The following ANKRD55 variants were observed in gnomAD, a reference collection of about 807,000 sequenced individuals.
The protein encoded by ANKRD55 is ankyrin repeat domain 55, also known as ankyrin repeat domain-containing protein 55.
Under a neutral mutation model 60.6 loss-of-function variants are expected in ANKRD55, and 41 were observed. The observed-to-expected ratio is 0.68, with a 90% CI of 0.53 to 0.88. The LOEUF (loss-of-function observed/expected upper bound fraction) is 0.88. Ranked by LOEUF, ANKRD55 falls within the 40% of genes least tolerant of loss-of-function variation. The pLI is 0.00. For synonymous variants in ANKRD55, 264 were observed against 290.3 expected (o/e 0.91, Z 0.92); for missense variants, 732 against 767.6 (o/e 0.95, Z 0.55).
chr5:56,227,617 C>CTTTTTTTTTTTT (rs10567262), intron 2 of ANKRD55, among the ~76,000 whole-genome samples: 1 of 147,916 alleles, frequency 6.8e-6, no homozygotes. Context: ...CCATTGATGT[C>CTTTTTTTTTTTT]TTTTTTTTTT....
chr5:56,172,385 A>G (rs1289044126), intron 4 of ANKRD55, among the ~76,000 whole-genome samples: 1 of 152,196 alleles, frequency 6.6e-6, no homozygotes, highest in African/African-American at 2.4e-5. Context: ...GTTAATGTCT[A>G]AATCATCAAG....
At position 56,147,084 on chromosome 5, in the gene ANKRD55, G is replaced by A. The variant is rs547210390; in HGVS notation, c.484-3155C>T. 3.9e-5 allele frequency among the ~76,000 whole-genome samples: 6 copies of A among 152,248 alleles called. No individual in the cohort carries two copies. The South Asian group carries it at 1.2e-3, about 32-fold the overall frequency. ...TTGGTGAAGGGGTGGGGTGGGAGGA[G>A]TGCTATCATTTTTCATACACCTACT... On this transcript the variant is annotated intron_variant, in intron 6 of 11. Coordinates refer to ENST00000341048, the MANE Select transcript of ANKRD55 (RefSeq NM_024669.3).
At chr5:56,190,084 CAG>C (rs1759058456) in intron 2 of ANKRD55, among the ~76,000 whole-genome samples, 1 of 152,160 alleles carries the variant, frequency 6.6e-6, no homozygotes, top group South Asian at 2.1e-4. Context: ...ATATTAGTGA[CAG>C]TGAGCATTTT....
In ANKRD55 at chr5:56,176,302, C is replaced by G. The variant is rs1266629554; in HGVS notation, c.182-20G>C. On this transcript the variant is annotated intron_variant, in intron 3 of 11. Coordinates refer to ENST00000341048, the MANE Select transcript of ANKRD55 (RefSeq NM_024669.3). Reference sequence around the variant, plus strand: ...TGCATCCTGGAATGAGACATTTCAACAGCCTTTAAACATGTGTGACCCATG... The same window carrying G: ...TGCATCCTGGAATGAGACATTTCAAGAGCCTTTAAACATGTGTGACCCATG... The G allele has an allele frequency of 6.2e-7, 1 of 1,614,124 alleles. No homozygotes were observed. The highest frequency in any genetic ancestry group is 1.1e-5 in the South Asian group (1 of 91,090).
intron 7 of ANKRD55, among the ~76,000 whole-genome samples, chr5:56,133,248 A>G (rs565673856): frequency 3.3e-3 from 501 of 152,050 alleles, no homozygotes; most frequent in Non-Finnish European, 5.8e-3. Flanking sequence ...AGACCAGCCT[A>G]GCCAACATGG....
At chr5:56,143,616 G>A (rs770961121) in intron 7 of ANKRD55, among the ~76,000 whole-genome samples, 185 bp downstream of exon 7, 3 of 152,160 alleles carry the variant, frequency 2.0e-5, no homozygotes, top group Non-Finnish European at 4.4e-5. Flanking sequence ...TGCCACCCAA[G>A]GCAGGCTCTG....
At chr5:56,180,049 C>A (rs1325494348) in intron 3 of ANKRD55, among the ~76,000 whole-genome samples, 1 of 152,038 alleles carries the variant, frequency 6.6e-6, no homozygotes, top group African/African-American at 2.4e-5. Context: ...GGTTGAGGGG[C>A]CATATTGGGT....
chr5:56,146,789 G>A (rs538362402), intron 6 of ANKRD55: 2 of 152,210 alleles, frequency 1.3e-5, no homozygotes, highest in East Asian at 3.9e-4. Context: ...TACTAACCAG[G>A]CCTAACCCTG....
At chr5:56,195,896 A>T (rs900422131) in intron 2 of ANKRD55, among the ~76,000 whole-genome samples, 48 of 152,350 alleles carry the variant, frequency 3.2e-4, no homozygotes, top group Middle Eastern at 3.4e-3. Flanking sequence ...TTATCATGGT[A>T]GTATCATCTG....
At chr5:56,196,340 A>G (rs1759227764) in intron 2 of ANKRD55, among the ~76,000 whole-genome samples, 1 of 152,212 alleles carries the variant, frequency 6.6e-6, no homozygotes, top group African/African-American at 2.4e-5. Context: ...ATTTAAGTGA[A>G]TAAAAAATTT....
chr5:56,118,475 A>C (rs1416007238), intron 8 of ANKRD55, among the ~76,000 whole-genome samples: 1 of 151,930 alleles, frequency 6.6e-6, no homozygotes, highest in Non-Finnish European at 1.5e-5. Context: ...AATACAAAAA[A>C]TTAACCAGGC....
At chr5:56,112,440 G>A (rs1756740704) in intron 9 of ANKRD55, among the ~76,000 whole-genome samples, 1 of 138,714 alleles carries the variant, frequency 7.2e-6, no homozygotes, top group South Asian at 2.4e-4. Context: ...GCTGAGGCAG[G>A]AGGATCACTT....
intron 7 of ANKRD55, among the ~76,000 whole-genome samples, chr5:56,132,424 CAAA>C (rs34289990): frequency 8.3e-6 from 1 of 120,362 alleles, no homozygotes; most frequent in African/African-American, 3.6e-5. Context: ...ACTTAAAATA[CAAA>C]AAAAAAAAAA....
intron 2 of ANKRD55, among the ~76,000 whole-genome samples, chr5:56,219,766 C>G (rs984801826): frequency 2.0e-4 from 31 of 152,346 alleles, no homozygotes; most frequent in Middle Eastern, 6.8e-3. Context: ...ATACCCTCAC[C>G]TTCTCACCTT....
intron 2 of ANKRD55, among the ~76,000 whole-genome samples, chr5:56,213,639 T>C (rs159567): frequency 0.33 from 50,132 of 151,660 alleles, 9,865 homozygotes; most frequent in African/African-American, 0.54. Context: ...CAGCAAAGAG[T>C]CCAGAAACTT....
Position 56,217,742 on chromosome 5 carries a change from A to G in ANKRD55, c.58+15114T>C, listed in dbSNP as rs187794743. Among the ~76,000 whole-genome samples the G allele has an allele frequency of 6.7e-3, 1,017 of 152,090 alleles. 7 individuals carry two copies. The highest frequency in any genetic ancestry group is 0.024 in the African/African-American group (994 of 41,498). On this transcript the variant is annotated intron_variant, in intron 2 of 11. Transcript: ENST00000341048. The stretch of plus-strand genomic sequence containing the variant: ...ACCCCATCTCTACTAAAAATACAAA[A>G]AAAATTAGCCGGGCGTGGTGGGGGG...
chr5:56,198,166 C>G (rs1464699968), intron 2 of ANKRD55, among the ~76,000 whole-genome samples: 1 of 152,054 alleles, frequency 6.6e-6, no homozygotes, highest in African/African-American at 2.4e-5. Flanking sequence ...AATTTTAAAC[C>G]TACGAACTGG....
At chr5:56,128,683 G>A (rs1757337156) in intron 7 of ANKRD55, among the ~76,000 whole-genome samples, 1 of 152,122 alleles carries the variant, frequency 6.6e-6, no homozygotes, top group African/African-American at 2.4e-5. Context: ...ACCTTTCTAA[G>A]CCATTTCATG....
In ANKRD55 at chr5:56,135,241, TC is replaced by T. The variant is rs1561263659; in HGVS notation, c.613-8136del. Among the ~76,000 whole-genome samples the T allele has an allele frequency of 1.2e-4, 17 of 142,766 alleles. 1 individual carries two copies. Among genetic ancestry groups the T allele is most frequent in the South Asian group, 4.6e-4 (2 of 4,348 alleles). 93.7% of individuals were successfully genotyped at this position (142,766 alleles called of 152,430 possible). A position where few individuals can be genotyped will look rare whatever the true frequency, so the allele number is the denominator to read the frequency against. On this transcript the variant is annotated intron_variant, in intron 7 of 11. Coordinates refer to ENST00000341048, the MANE Select transcript of ANKRD55 (RefSeq NM_024669.3). ...TTCCTTCCTTCCTTCCTTCCTTCCTTCCTTCCTTCCTTCCTTCCTTCTTTCC... is the reference window on the plus strand; with the variant it reads ...TTCCTTCCTTCCTTCCTTCCTTCCTTCTTCCTTCCTTCCTTCCTTCTTTCC...
Sources: gnomAD v4.1 joint callset for allele counts (sites outside exome capture counted in the v4.1 genomes callset) on GRCh38, gnomAD v4.1.1 for gene constraint, MANE v1.5 for transcripts, NCBI Gene and HGNC (gene_info 2026-07-23, HGNC 2026-07-21) for gene names.